NPC1: variants seen among roughly 807,000 people sequenced by gnomAD.
The protein encoded by NPC1 is NPC intracellular cholesterol transporter 1, also known as Niemann-Pick C1 protein.
A neutral mutation model predicts 140.4 loss-of-function variants in NPC1; 85 were observed. The ratio of observed to expected loss-of-function variants is 0.61; its 90% CI spans 0.51 to 0.72. The LOEUF (loss-of-function observed/expected upper bound fraction) is 0.72, where lower values mean the gene tolerates loss of function less well. NPC1 is among the 30% of genes least tolerant of loss of function. The probability of loss-of-function intolerance (pLI) is 0.00; values close to 1 mark genes in which losing one functional copy is unlikely to be tolerated. For synonymous variants in NPC1, 656 were observed against 624.8 expected, an observed-to-expected ratio of 1.05 and a Z score of -0.74; for missense variants, 1,504 against 1,623.8, an observed-to-expected ratio of 0.93 and a Z score of 1.27.
intron 14 of NPC1, 49 bp from the exon 15 acceptor site, chr18:23,541,482 C>G: frequency 6.2e-7 from 1 of 1,613,114 alleles, no homozygotes; most frequent in Non-Finnish European, 8.5e-7. Context: ...CAGCCGGGGG[C>G]TCTCTGCAGG....
At chr18:23,569,832 G>A (rs977521264) in intron 3 of NPC1, among the ~76,000 whole-genome samples, 1 of 152,190 alleles carries the variant, frequency 6.6e-6, no homozygotes, top group African/African-American at 2.4e-5. Flanking sequence ...AGAACCATAA[G>A]CTGCCTGCTA....
rs1205651468 is a variant in NPC1, at chr18:23,576,470, C to T, written c.58-2896G>A. ...AGAAGCAACCTAAGCCAGCAGGACC[C>T]AAAGACTTACAAAGCACTGGCGGTG... On this transcript the variant is annotated intron_variant, in intron 1 of 24. Transcript: ENST00000269228. 5 of 986,054 alleles carry T rather than the reference C, an allele frequency of 5.1e-6. No individual in the cohort carries two copies. In the East Asian group the frequency reaches 4.5e-4, roughly 89 times the overall value. The allele number at this position is 986,054 out of a possible 1,614,324, so 61.1% of individuals were successfully genotyped here. A position where few individuals can be genotyped will look rare whatever the true frequency, so the allele number is the denominator to read the frequency against.
intron 9 of NPC1, among the ~76,000 whole-genome samples, chr18:23,552,958 T>TA (rs1452661864): frequency 2.6e-5 from 4 of 152,122 alleles, no homozygotes; most frequent in Non-Finnish European, 5.9e-5. Flanking sequence ...AAGAAGCAGG[T>TA]AAGGGCATGG....
At chr18:23,544,810 A>T in intron 12 of NPC1, 150 bp downstream of exon 12, 1 of 698,916 alleles carries the variant, frequency 1.4e-6, no homozygotes, top group African/African-American at 1.8e-5. Context: ...AAATAGATGT[A>T]GGCAACAGAA....
chr18:23,565,049 C>T (rs1184614855), intron 4 of NPC1, among the ~76,000 whole-genome samples: 1 of 152,136 alleles, frequency 6.6e-6, no homozygotes, highest in East Asian at 1.9e-4. Context: ...ATTCCAGTAC[C>T]ACTGTCTTGA....
intron 1 of NPC1, among the ~76,000 whole-genome samples, chr18:23,575,883 T>C (rs2059270354): frequency 6.6e-6 from 1 of 151,486 alleles, no homozygotes; most frequent in South Asian, 2.1e-4. Context: ...GCCCAGGAGT[T>C]TGAGACCAGC....
intron 3 of NPC1, chr18:23,516,575 G>A (rs1044968460): frequency 1.4e-6 from 1 of 723,976 alleles, no homozygotes; most frequent in Non-Finnish European, 2.3e-6. Flanking sequence ...TATAGGTCCT[G>A]TGAACATAGA....
At chr18:23,515,798 G>T in intron 3 of NPC1, 1 of 1,605,466 alleles carries the variant, frequency 6.2e-7, no homozygotes, top group Non-Finnish European at 8.5e-7. Flanking sequence ...CTCCCAAAGT[G>T]CTGGGATTAG....
chr18:23,527,940 C>T (rs766090870), downstream of NPC1: 4 of 1,462,908 alleles, frequency 2.7e-6, no homozygotes, highest in East Asian at 7.0e-5. Flanking sequence ...CCTCCTCCCC[C>T]ACCCCCTCCC....
chr18:23,552,404 A>C (rs2058886767), intron 9 of NPC1, among the ~76,000 whole-genome samples: 1 of 152,280 alleles, frequency 6.6e-6, no homozygotes, highest in Non-Finnish European at 1.5e-5. Flanking sequence ...ATGGACAGAC[A>C]AATGCAAAAT....
downstream of NPC1, chr18:23,529,044 G>GT: frequency 7.1e-7 from 1 of 1,407,084 alleles, no homozygotes; most frequent in Non-Finnish European, 9.5e-7. Context: ...GGAAAAAGTT[G>GT]TATCTAAGTA....
At chr18:23,556,124 A>C (rs2058946580) in intron 8 of NPC1, 119 bp downstream of exon 8, 1 of 918,114 alleles carries the variant, frequency 1.1e-6, no homozygotes. Context: ...ATACGCTAAG[A>C]TTTTCAAGAT....
chr18:23,535,317 C>G (rs996060760), intron 22 of NPC1, 152 bp downstream of exon 22: 1 of 709,778 alleles, frequency 1.4e-6, no homozygotes, highest in African/African-American at 1.7e-5. Context: ...CAGCACTCCT[C>G]CAGCACTCAT....
At chr18:23,524,530 C>T (rs1187326115), downstream of NPC1, 4 of 1,585,862 alleles carry the variant, frequency 2.5e-6, no homozygotes, top group African/African-American at 2.7e-5. Flanking sequence ...TGCTTGTTGA[C>T]TTTGGATCCC....
intron 3 of NPC1, chr18:23,516,138 ACC>A (rs1178632992): frequency 3.7e-6 from 5 of 1,367,262 alleles, no homozygotes; most frequent in Non-Finnish European, 5.1e-6. Context: ...CACTCTGTAT[ACC>A]CGTCAGCTCC....
intron 3 of NPC1, among the ~76,000 whole-genome samples, chr18:23,511,137 T>C (rs954330243): frequency 6.6e-6 from 1 of 152,254 alleles, no homozygotes; most frequent in Non-Finnish European, 1.5e-5. Context: ...CATGGAATAC[T>C]ATGCAGCCAT....
Position 23,531,773 on chromosome 18 carries a change from AACTAT to A in NPC1, c.*424_*428del, listed in dbSNP as rs1223026387. ...TTTATTGCATTAATAAAGCTCTTTA[AACTAT>A]AAAATGTTATAAAGTGTATCTACAA... On this transcript the variant is annotated 3_prime_UTR_variant, in exon 25 of 25. Coordinates refer to ENST00000269228, the MANE Select transcript of NPC1 (RefSeq NM_000271.5). 2.7e-5 allele frequency: 42 copies of A among 1,574,292 alleles called. No homozygotes were observed. The highest frequency in any genetic ancestry group is 3.9e-5 in the Admixed American group (2 of 50,860).
intron 3 of NPC1, among the ~76,000 whole-genome samples, chr18:23,507,480 A>C (rs566621996): frequency 6.6e-6 from 1 of 152,284 alleles, no homozygotes; most frequent in South Asian, 2.1e-4. Context: ...CTACTTTGTG[A>C]ATTAGCCTTT....
intron 1 of NPC1, among the ~76,000 whole-genome samples, chr18:23,575,739 G>A (rs2059266246): frequency 7.6e-6 from 1 of 131,874 alleles, no homozygotes. Flanking sequence ...TTCTCAAAAG[G>A]TCATCTTCTA....
Sources: gnomAD v4.1 joint callset for allele counts (sites outside exome capture counted in the v4.1 genomes callset) on GRCh38, gnomAD v4.1.1 for gene constraint, MANE v1.5 for transcripts, NCBI Gene and HGNC (gene_info 2026-07-23, HGNC 2026-07-21) for gene names.